The following STAG1 variants were observed in gnomAD, a reference collection of about 807,000 sequenced individuals.
STAG1 encodes the protein cohesin subunit SA-1.
In STAG1, 26 loss-of-function variants were observed where a neutral mutation model predicts 170.9. The ratio of observed to expected loss-of-function variants is 0.15; its 90% confidence interval spans 0.11 to 0.21. The LOEUF (loss-of-function observed/expected upper bound fraction) is 0.21, where lower values mean the gene tolerates loss of function less well. Among genes scored for constraint, STAG1 ranks in the 10% least tolerant of loss-of-function variants. STAG1 has a pLI of 1.00. For missense variants in STAG1, 964 were observed against 1,509.5 expected (o/e 0.64, Z 5.99); for synonymous variants, 514 against 497.7 (o/e 1.03, Z -0.44).
intron 4 of STAG1, among the ~76,000 whole-genome samples, chr3:136,576,671 T>C (rs1480683809): frequency 6.6e-6 from 1 of 152,120 alleles, no homozygotes; most frequent in African/African-American, 2.4e-5. Flanking sequence ...GAGCAGTCAA[T>C]ATGGTGGTTA....
intron 13 of STAG1, among the ~76,000 whole-genome samples, chr3:136,457,942 AAAACAAAC>A (rs965411768): frequency 1.3e-5 from 2 of 152,148 alleles, no homozygotes; most frequent in Non-Finnish European, 2.9e-5. Context: ...ACAAAAACAA[AAAACAAAC>A]AAACAAACAA....
intron 14 of STAG1, among the ~76,000 whole-genome samples, chr3:136,449,900 CTTTT>C (rs34077581): frequency 7.9e-6 from 1 of 126,554 alleles, no homozygotes; most frequent in African/African-American, 2.9e-5. Context: ...ACTATTGTTG[CTTTT>C]TTTTTTTTTT....
chr3:136,516,327 G>A (rs1303686807), intron 7 of STAG1, among the ~76,000 whole-genome samples: 1 of 151,902 alleles, frequency 6.6e-6, no homozygotes, highest in Non-Finnish European at 1.5e-5. Flanking sequence ...GCAACATGGC[G>A]AAATCCCAAC....
At chr3:136,742,558 T>C (rs938635528) in intron 1 of STAG1, among the ~76,000 whole-genome samples, 25 of 151,694 alleles carry the variant, frequency 1.6e-4, no homozygotes, top group African/African-American at 6.1e-4. Flanking sequence ...ACTAAAAAAA[T>C]ACAAAAATTA....
intron 2 of STAG1, among the ~76,000 whole-genome samples, chr3:136,626,985 T>C (rs1221194365): frequency 2.0e-5 from 3 of 152,326 alleles, no homozygotes; most frequent in East Asian, 1.9e-4. Context: ...CCAAGTGCTT[T>C]TGATGCTTAC....
intron 22 of STAG1, among the ~76,000 whole-genome samples, chr3:136,388,775 A>G (rs1392697402): frequency 3.3e-5 from 5 of 152,228 alleles, no homozygotes; most frequent in Non-Finnish European, 7.3e-5. Flanking sequence ...AACCTACTGT[A>G]GTAAGGAAAA....
chr3:136,608,149 C>A (rs1179265780), intron 3 of STAG1, among the ~76,000 whole-genome samples: 1 of 151,840 alleles, frequency 6.6e-6, no homozygotes, highest in East Asian at 1.9e-4. Flanking sequence ...CCCAGCTACT[C>A]AGGAGGCTGA....
At chr3:136,676,649 T>C (rs1380344049) in intron 1 of STAG1, among the ~76,000 whole-genome samples, 1 of 152,108 alleles carries the variant, frequency 6.6e-6, no homozygotes, top group Non-Finnish European at 1.5e-5. Context: ...AGGGTTTCAC[T>C]ATGTCTCCTA....
At chr3:136,651,215 A>T (rs1160327682) in intron 1 of STAG1, among the ~76,000 whole-genome samples, 1 of 151,878 alleles carries the variant, frequency 6.6e-6, no homozygotes. Flanking sequence ...AAATAAACAA[A>T]ATTATCCCAC....
chr3:136,392,781 A>AAAAAG (rs1560081992), intron 22 of STAG1, among the ~76,000 whole-genome samples: 30 of 151,036 alleles, frequency 2.0e-4, no homozygotes, highest in Non-Finnish European at 2.8e-4. Context: ...AAAAAAAAAA[A>AAAAAG]AAAAGAAAAG....
chr3:136,568,115 T>G (rs1159343108), intron 5 of STAG1, among the ~76,000 whole-genome samples: 3 of 152,086 alleles, frequency 2.0e-5, no homozygotes, highest in African/African-American at 7.2e-5. Context: ...GAAATCAATT[T>G]GGTCAGTTAT....
intron 1 of STAG1, chr3:136,736,422 GA>G (rs1415908736): frequency 9.2e-7 from 1 of 1,083,914 alleles, no homozygotes; most frequent in Non-Finnish European, 1.4e-6. Flanking sequence ...GAAGTGGGAG[GA>G]AAGAATGAGT....
At chr3:136,611,850 AT>A (rs1300992085) in intron 3 of STAG1, among the ~76,000 whole-genome samples, 173 of 142,162 alleles carry the variant, frequency 1.2e-3, no homozygotes, top group Admixed American at 1.6e-3. Context: ...TATGTGTGGA[AT>A]TTTTTTTTTT....
In STAG1 at chr3:136,393,511, C is replaced by A. The variant is rs192439124; in HGVS notation, c.2277+5238G>T. On this transcript the variant is annotated intron_variant, in intron 22 of 33. Coordinates refer to ENST00000383202, the MANE Select transcript of STAG1 (RefSeq NM_005862.3). ...AACACAGCAAGATTCTGTCTCAAAACAAACAAATGAACAAACGAGCAAACA... is the reference window on the plus strand; with the variant it reads ...AACACAGCAAGATTCTGTCTCAAAAAAAACAAATGAACAAACGAGCAAACA... 2.0e-5 allele frequency among the ~76,000 whole-genome samples: 3 copies of A among 150,080 alleles called. No homozygotes were observed. In the East Asian group the frequency reaches 5.9e-4, roughly 29 times the overall value.
At chr3:136,386,610 T>TTTTAGATTTTAAATGTGTGATTTTAA (rs2086880060) in intron 22 of STAG1, among the ~76,000 whole-genome samples, 1 of 151,930 alleles carries the variant, frequency 6.6e-6, no homozygotes, top group Non-Finnish European at 1.5e-5. Context: ...AAAACAGAAG[T>TTTTAGATTTTAAATGTGTGATTTTAA]ATATAGATTT....
At chr3:136,720,996 G>C (rs1933229790) in intron 1 of STAG1, among the ~76,000 whole-genome samples, 1 of 152,158 alleles carries the variant, frequency 6.6e-6, no homozygotes, top group African/African-American at 2.4e-5. Flanking sequence ...ATTTACAGAA[G>C]CACATGATGC....
chr3:136,735,122 C>G (rs915397114), intron 1 of STAG1, among the ~76,000 whole-genome samples: 6 of 152,004 alleles, frequency 3.9e-5, no homozygotes, highest in Middle Eastern at 3.2e-3. Flanking sequence ...CTCCTTACTC[C>G]CTTTTTTTTT....
intron 28 of STAG1, among the ~76,000 whole-genome samples, chr3:136,354,754 C>CAAAAAAAAA: frequency 3.1e-4 from 2 of 6,506 alleles, no homozygotes; most frequent in African/African-American, 7.2e-4. Flanking sequence ...GAGAAAGAAC[C>CAAAAAAAAA]AAAAAAAAAA....
At chr3:136,622,154 AAAAAG>A (rs1559914785) in intron 3 of STAG1, among the ~76,000 whole-genome samples, 1 of 150,262 alleles carries the variant, frequency 6.7e-6, no homozygotes, top group Non-Finnish European at 1.5e-5. Flanking sequence ...AAAAAAAAAA[AAAAAG>A]AAAAGAAAAA....
Sources: gnomAD v4.1 joint callset for allele counts (sites outside exome capture counted in the v4.1 genomes callset) on GRCh38, gnomAD v4.1.1 for gene constraint, MANE v1.5 for transcripts, NCBI Gene and HGNC (gene_info 2026-07-23, HGNC 2026-07-21) for gene names.